Variants in RUBCNL observed in about 807,000 individuals in gnomAD.
The protein encoded by RUBCNL is rubicon like autophagy enhancer.
Under a neutral mutation model 69.5 loss-of-function variants are expected in RUBCNL, and 62 were observed. The ratio of observed to expected loss-of-function variants is 0.89; its 90% confidence interval spans 0.73 to 1.10. The LOEUF (loss-of-function observed/expected upper bound fraction) is 1.10, where lower values mean the gene tolerates loss of function less well. Among genes scored for constraint, RUBCNL ranks in the 50% least tolerant of loss-of-function variants. The probability of loss-of-function intolerance (pLI) is 0.00; values close to 1 mark genes in which losing one functional copy is unlikely to be tolerated. For missense variants in RUBCNL, 768 were observed against 798.1 expected (o/e 0.96, Z 0.45); for synonymous variants, 291 against 303.6 (o/e 0.96, Z 0.43).
chr13:46,367,886 C>CA lies in RUBCNL; in HGVS notation c.826+155dup, dbSNP rs557807009. On this transcript the variant is annotated intron_variant, in intron 5 of 14. Transcript: ENST00000429979. ...TTAGTAACCCTCTTGGTTACAAGAA[C>CA]AAAAAAAAAGTAGTGTATATAGAGT... is the stretch of plus-strand genomic sequence containing the variant. 2.3e-3 allele frequency among the ~76,000 whole-genome samples: 340 copies of CA among 150,336 alleles called. 4 individuals carry two copies. The highest frequency in any genetic ancestry group is 0.012 in the South Asian group (56 of 4,758).
intron 6 of RUBCNL, among the ~76,000 whole-genome samples, chr13:46,362,900 C>A (rs530226653): frequency 7.7e-4 from 78 of 101,250 alleles, no homozygotes; most frequent in Non-Finnish European, 1.3e-3. Flanking sequence ...GATTAGCTAT[C>A]CAGACATTTG....
At chr13:46,345,676 T>C (rs1224531747) in intron 12 of RUBCNL, 76 bp from the exon 13 acceptor site, 2 of 1,450,956 alleles carry the variant, frequency 1.4e-6, no homozygotes, top group Non-Finnish European at 1.9e-6. Flanking sequence ...CCAGTTGTTT[T>C]CTCTTGGCAC....
chr13:46,377,690 C>G (rs953666620), intron 2 of RUBCNL, among the ~76,000 whole-genome samples, 200 bp downstream of exon 2: 2 of 152,204 alleles, frequency 1.3e-5, no homozygotes, highest in South Asian at 4.1e-4. Flanking sequence ...AAAAAACAAC[C>G]GTCAAAAGCA....
chr13:46,369,580 T>C (rs542271729), intron 3 of RUBCNL, among the ~76,000 whole-genome samples: 1 of 152,312 alleles, frequency 6.6e-6, no homozygotes, highest in African/African-American at 2.4e-5. Flanking sequence ...TTCTCTAAGT[T>C]AGTCTTCTTC....
In RUBCNL at chr13:46,385,333, A is replaced by C. The variant is rs528742598; in HGVS notation, c.-239+1801T>G. The C allele has an allele frequency of 4.6e-6, 4 of 865,918 alleles. No homozygotes were observed. The Admixed American group carries it at 1.9e-4, about 40-fold the overall frequency. 53.6% of individuals were successfully genotyped at this position (865,918 alleles called of 1,614,324 possible). On this transcript the variant is annotated intron_variant, in intron 1 of 14. Coordinates refer to ENST00000429979, the MANE Select transcript of RUBCNL (RefSeq NM_025113.5). ...AAAAAGAAAAAACAATCAGAGATCTAATTGGGTATCAGGAAGATACACAAT... is the reference window on the plus strand; with the variant it reads ...AAAAAGAAAAAACAATCAGAGATCTCATTGGGTATCAGGAAGATACACAAT...
intron 1 of RUBCNL, 129 bp downstream of exon 1, chr13:46,387,005 T>G (rs1193251977): frequency 1.2e-6 from 1 of 827,356 alleles, no homozygotes; most frequent in African/African-American, 1.8e-5. Flanking sequence ...TGGGTGTCTC[T>G]GCTGGGCACA....
Position 46,335,070 on chromosome 13 carries a change from CTTTT to C in RUBCNL, c.*8311_*8314del, listed in dbSNP as rs548743154. ...AACCTACTTGGGTAAAGAATTTGGA[CTTTT>C]TTTTTTTTGAGATGGGGTCTCACTC... On this transcript the variant is annotated 3_prime_UTR_variant, in exon 15 of 15. Transcript: ENST00000429979. 6.9e-6 allele frequency among the ~76,000 whole-genome samples: 1 copy of C among 144,028 alleles called. No individual in the cohort carries two copies. The highest frequency in any genetic ancestry group is 2.0e-4 in the East Asian group (1 of 4,976). 94.5% of individuals were successfully genotyped at this position (144,028 alleles called of 152,430 possible).
At chr13:46,387,610 T>C (rs888020263), upstream of RUBCNL, 1 of 985,382 alleles carries the variant, frequency 1.0e-6, no homozygotes, top group African/African-American at 1.7e-5. Context: ...TTAGCAGTCA[T>C]ACAATTGCCT....
At chr13:46,385,223 A>T (rs1021228785) in intron 1 of RUBCNL, 1 of 944,098 alleles carries the variant, frequency 1.1e-6, no homozygotes, top group Non-Finnish European at 1.3e-6. Context: ...AAAGACTTTC[A>T]GTTCAGAATA....
At chr13:46,357,873 C>T (rs1050796684) in intron 9 of RUBCNL, among the ~76,000 whole-genome samples, 1 of 152,038 alleles carries the variant, frequency 6.6e-6, no homozygotes, top group African/African-American at 2.4e-5. Context: ...CAGGTGATCC[C>T]GCCCACCTCG....
intron 1 of RUBCNL, among the ~76,000 whole-genome samples, chr13:46,386,658 T>C (rs2049253922): frequency 6.6e-6 from 1 of 152,110 alleles, no homozygotes; most frequent in African/African-American, 2.4e-5. Context: ...ACGCCGCGAT[T>C]TCACACTCCA....
At chr13:46,355,155 C>G (rs1482125403) in intron 10 of RUBCNL, among the ~76,000 whole-genome samples, 2 of 152,182 alleles carry the variant, frequency 1.3e-5, no homozygotes, top group African/African-American at 2.4e-5. Context: ...AACCGACTAT[C>G]AAAGGCTAAG....
Position 46,340,320 on chromosome 13 carries a change from T to C in RUBCNL, c.*3065A>G, listed in dbSNP as rs1448460216. Among the ~76,000 whole-genome samples, 1 of 152,150 alleles carries C rather than the reference T, an allele frequency of 6.6e-6. No individual in the cohort carries two copies. The highest frequency in any genetic ancestry group is 1.5e-5 in the Non-Finnish European group (1 of 68,028). ...ATTGTTCTAATCCTTGTATTACAGA[T>C]TATAAACTGAGACCCAGGGAGTAAC... On this transcript the variant is annotated 3_prime_UTR_variant, in exon 15 of 15. Transcript: ENST00000429979.
At position 46,343,340 on chromosome 13, in the gene RUBCNL, ATC is replaced by A; in HGVS notation, c.*43_*44del. The A allele has an allele frequency of 6.3e-7, 1 of 1,595,876 alleles. No individual in the cohort carries two copies. The highest frequency in any genetic ancestry group is 8.6e-7 in the Non-Finnish European group (1 of 1,169,280). On this transcript the variant is annotated 3_prime_UTR_variant, in exon 15 of 15. Transcript: ENST00000429979. ...CCAATAATAGACACAAATCGGTGTT[ATC>A]ATAAGGCATGTTGAACAGTCTTTTT...
intron 1 of RUBCNL, among the ~76,000 whole-genome samples, chr13:46,382,155 C>T (rs527548939): frequency 6.6e-5 from 10 of 152,212 alleles, no homozygotes; most frequent in Middle Eastern, 3.4e-3. Flanking sequence ...CTATCTCAAT[C>T]TCAGTAACAG....
rs186087716 is a variant in RUBCNL at position 46,336,107 on chromosome 13, G to T, written c.*7278C>A. Among the ~76,000 whole-genome samples, 130 of 152,310 alleles carry T rather than the reference G, an allele frequency of 8.5e-4. No homozygotes were observed. The Middle Eastern group carries it at 0.034, about 40-fold the overall frequency. On this transcript the variant is annotated 3_prime_UTR_variant, in exon 15 of 15. Coordinates refer to ENST00000429979, the MANE Select transcript of RUBCNL (RefSeq NM_025113.5). ...ATCACAAATGTCATGATGTTTCCGG[G>T]TTCCAAAGCTTCCAGGAGGAAGGTG...
intron 1 of RUBCNL, among the ~76,000 whole-genome samples, chr13:46,378,949 T>C (rs2049059301): frequency 6.6e-6 from 1 of 152,194 alleles, no homozygotes; most frequent in African/African-American, 2.4e-5. Context: ...GGTCACCCTA[T>C]AAAAACTGGT....
intron 10 of RUBCNL, 55 bp downstream of exon 10, chr13:46,356,377 C>T: frequency 6.4e-7 from 1 of 1,559,968 alleles, no homozygotes; most frequent in Non-Finnish European, 8.8e-7. Flanking sequence ...CCCTACTTTG[C>T]TATTCTGGAC....
rs144861610 is a variant in RUBCNL at position 46,380,726 on chromosome 13, C to T, written c.-238-2721G>A. ...TAAGAATATTAATTTATACACCTTACATGTGTACAGCTATGCTAATACATT... is the reference window on the plus strand; with the variant it reads ...TAAGAATATTAATTTATACACCTTATATGTGTACAGCTATGCTAATACATT... On this transcript the variant is annotated intron_variant, in intron 1 of 14. Transcript: ENST00000429979. Among the ~76,000 whole-genome samples the T allele has an allele frequency of 4.5e-3, 692 of 152,214 alleles. 1 individual carries two copies. The highest frequency in any genetic ancestry group is 0.012 in the African/African-American group (496 of 41,520).
Sources: allele counts gnomAD v4.1 joint callset (sites outside exome capture counted in the v4.1 genomes callset), GRCh38; gene constraint gnomAD v4.1.1; transcripts MANE v1.5; gene names NCBI Gene and HGNC (gene_info 2026-07-23, HGNC 2026-07-21).